INO80C: variants seen among roughly 807,000 people sequenced by gnomAD.
INO80C encodes the protein IES6 homolog.
INO80C carries 17 observed loss-of-function variants against 17.7 expected under a neutral mutation model. That is an observed-to-expected ratio of 0.96 (90% CI 0.66 to 1.44). The LOEUF is 1.44. Among genes scored for constraint, INO80C ranks in the 40% most tolerant of loss-of-function variants. The pLI is 0.00. For missense variants in INO80C, 244 were observed against 245.0 expected (o/e 1.00, Z 0.03); for synonymous variants, 96 against 95.8 (o/e 1.00, Z -0.01).
chr18:35,480,616 C>T lies in INO80C; in HGVS notation c.157-53G>A, dbSNP rs1006408491. 1.3e-5 allele frequency: 17 copies of T among 1,298,450 alleles called. No individual in the cohort carries two copies. The Admixed American group carries it at 1.3e-4, about 10-fold the overall frequency. The allele number at this position is 1,298,450 out of a possible 1,614,324, so 80.4% of individuals were successfully genotyped here. ...GAAGTCAGTTTCTTTCAGCTGAGTTCCCCACCTCTGCTCTCAACAGGGCAT... is the reference window on the plus strand; with the variant it reads ...GAAGTCAGTTTCTTTCAGCTGAGTTTCCCACCTCTGCTCTCAACAGGGCAT... On this transcript the variant is annotated intron_variant, in intron 1 of 4. Transcript: ENST00000334598.
chr18:35,497,411 C>T (rs2045994487), intron 1 of INO80C: 1 of 1,133,290 alleles, frequency 8.8e-7, no homozygotes, highest in African/African-American at 1.6e-5. Flanking sequence ...TTCTGAATGA[C>T]TGACACTCAT....
At chr18:35,474,336 C>T (rs1004956323) in intron 4 of INO80C, among the ~76,000 whole-genome samples, 18 of 148,834 alleles carry the variant, frequency 1.2e-4, no homozygotes, top group Non-Finnish European at 1.5e-5. Flanking sequence ...ACAGGAAATT[C>T]AAAATAACTA....
chr18:35,486,850 A>G (rs756571087), intron 1 of INO80C, among the ~76,000 whole-genome samples: 2 of 151,842 alleles, frequency 1.3e-5, no homozygotes, highest in Non-Finnish European at 2.9e-5. Flanking sequence ...AGAGAAGAGA[A>G]AGCTGTTGCT....
chr18:35,474,207 CTATATATATA>C (rs58465669), intron 4 of INO80C, among the ~76,000 whole-genome samples: 775 of 58,046 alleles, frequency 0.013, 18 homozygotes, highest in Middle Eastern at 0.066. Context: ...GTGTGTGTGT[CTATATATATA>C]TATATATATA....
At chr18:35,478,555 C>T (rs1177053850) in intron 3 of INO80C, among the ~76,000 whole-genome samples, 1 of 152,184 alleles carries the variant, frequency 6.6e-6, no homozygotes, top group African/African-American at 2.4e-5. Context: ...GTGCAGGCTC[C>T]AGATCTAGCC....
At chr18:35,488,501 A>AG (rs58619444) in intron 1 of INO80C, among the ~76,000 whole-genome samples, 120,682 of 152,136 alleles carry the variant, frequency 0.79, 48,064 homozygotes, top group East Asian at 0.98. Flanking sequence ...GGCCCCTTTT[A>AG]CCATGGCTGG....
intron 1 of INO80C, among the ~76,000 whole-genome samples, chr18:35,482,018 G>A (rs1240918780): frequency 1.3e-5 from 2 of 152,090 alleles, no homozygotes; most frequent in African/African-American, 2.4e-5. Flanking sequence ...ATTCATTTTC[G>A]TGTTCGTGGA....
At chr18:35,478,936 T>G in intron 3 of INO80C, 1 of 195,510 alleles carries the variant, frequency 5.1e-6, no homozygotes. Flanking sequence ...GAGCTGGCCT[T>G]TAAGCTGGTT....
Position 35,468,333 on chromosome 18 carries a change from T to A in INO80C, c.*278A>T. 1.6e-6 allele frequency: 2 copies of A among 1,248,886 alleles called. No individual in the cohort carries two copies. Among genetic ancestry groups the A allele is most frequent in the Non-Finnish European group, 2.0e-6 (2 of 987,640 alleles). The allele number at this position is 1,248,886 out of a possible 1,614,324, so 77.4% of individuals were successfully genotyped here. On this transcript the variant is annotated 3_prime_UTR_variant, in exon 5 of 5. Transcript: ENST00000334598. ...AAAACAAAAATTCAGGGACTTGGGATAAATGAAAAGTATGGTTTTATTGTA... is the reference window on the plus strand; with the variant it reads ...AAAACAAAAATTCAGGGACTTGGGAAAAATGAAAAGTATGGTTTTATTGTA...
chr18:35,480,670 A>G (rs2045796201), intron 1 of INO80C, 107 bp from the exon 2 acceptor site: 6 of 852,636 alleles, frequency 7.0e-6, no homozygotes, highest in South Asian at 3.0e-5. Context: ...ATGCAAGGGA[A>G]GACAGTATGC....
In INO80C at chr18:35,497,511, C is replaced by T. The variant is rs974801677; in HGVS notation, c.156+208G>A. ...GTCAGTAATAACCTCCCTACTTCTTCTTCTCTCCTTACAACACAAGGCGTT... is the reference window on the plus strand; with the variant it reads ...GTCAGTAATAACCTCCCTACTTCTTTTTCTCTCCTTACAACACAAGGCGTT... On this transcript the variant is annotated intron_variant, in intron 1 of 4. Transcript: ENST00000334598. The T allele has an allele frequency of 2.4e-5, 33 of 1,371,422 alleles. 1 individual carries two copies. The Admixed American group carries it at 6.6e-4, about 28-fold the overall frequency. The allele number at this position is 1,371,422 out of a possible 1,614,324, so 85.0% of individuals were successfully genotyped here. A position where few individuals can be genotyped will look rare whatever the true frequency, so the allele number is the denominator to read the frequency against.
At chr18:35,478,827 T>C (rs541573683) in intron 3 of INO80C, among the ~76,000 whole-genome samples, 1 of 152,322 alleles carries the variant, frequency 6.6e-6, no homozygotes, top group Non-Finnish European at 1.5e-5. Context: ...ACTTGTACTT[T>C]CCAGTGAAGC....
At chr18:35,472,001 G>A (rs557510298) in intron 4 of INO80C, among the ~76,000 whole-genome samples, 32 of 152,144 alleles carry the variant, frequency 2.1e-4, no homozygotes, top group South Asian at 6.2e-4. Context: ...CCAGTCTATC[G>A]TTGTTGGACA....
intron 1 of INO80C, among the ~76,000 whole-genome samples, chr18:35,485,325 T>C (rs355321): frequency 0.71 from 108,382 of 152,130 alleles, 40,462 homozygotes; most frequent in East Asian, 0.93. Flanking sequence ...CAAACCAGTA[T>C]ATACATAAAT....
intron 1 of INO80C, among the ~76,000 whole-genome samples, chr18:35,486,336 G>C (rs1598746297): frequency 6.6e-6 from 1 of 152,202 alleles, no homozygotes; most frequent in East Asian, 1.9e-4. Context: ...TAGATCAGTG[G>C]TTGCCAGGGG....
intron 1 of INO80C, among the ~76,000 whole-genome samples, chr18:35,491,005 C>G (rs2045927920): frequency 6.6e-6 from 1 of 152,186 alleles, no homozygotes; most frequent in Admixed American, 6.5e-5. Context: ...AGTGGTCTGC[C>G]CACCTGGGCC....
intron 1 of INO80C, chr18:35,497,278 G>T: frequency 1.1e-6 from 1 of 950,360 alleles, no homozygotes; most frequent in Non-Finnish European, 1.3e-6. Context: ...ACTTTTCTCA[G>T]GATGAGAGAA....
intron 1 of INO80C, among the ~76,000 whole-genome samples, chr18:35,483,121 A>G (rs1259665533): frequency 6.6e-6 from 1 of 152,116 alleles, no homozygotes; most frequent in African/African-American, 2.4e-5. Context: ...TACTAAGATT[A>G]TTTTCATTGG....
chr18:35,495,092 C>T (rs556009890), intron 1 of INO80C, among the ~76,000 whole-genome samples: 33 of 152,316 alleles, frequency 2.2e-4, no homozygotes, highest in African/African-American at 6.5e-4. Context: ...ATTTCCTATA[C>T]GCTGTGAAAA....
Sources: allele counts gnomAD v4.1 joint callset (sites outside exome capture counted in the v4.1 genomes callset), GRCh38; gene constraint gnomAD v4.1.1; transcripts MANE v1.5; gene names NCBI Gene and HGNC (gene_info 2026-07-23, HGNC 2026-07-21).